Variants in FABP7 observed in about 807,000 individuals in gnomAD.
The protein encoded by FABP7 is fatty acid binding protein 7, also known as fatty acid-binding protein, brain.
A neutral mutation model predicts 14.2 loss-of-function variants in FABP7; 13 were observed. The ratio of observed to expected loss-of-function variants is 0.91; its 90% CI spans 0.59 to 1.45. FABP7 has a LOEUF of 1.45. Among genes scored for constraint, FABP7 ranks in the 40% most tolerant of loss-of-function variants. The pLI is 0.00. For missense variants in FABP7, 149 were observed against 157.6 expected, an observed-to-expected ratio of 0.95 and a Z score of 0.29; for synonymous variants, 49 against 51.4, an observed-to-expected ratio of 0.95 and a Z score of 0.20.
the FABP7 span, among the ~76,000 whole-genome samples, chr6:122,753,784 G>GC: frequency 0.12 from 4,263 of 35,078 alleles, 199 homozygotes; most frequent in Non-Finnish European, 0.14. Flanking sequence ...TCCAAATCCC[G>GC]CCCCCCCCCC....
At chr6:122,766,296 TA>T in the FABP7 span, among the ~76,000 whole-genome samples, 2 of 152,138 alleles carry the variant, frequency 1.3e-5, no homozygotes, top group Non-Finnish European at 2.9e-5. Flanking sequence ...ATGTAGGTAC[TA>T]CACTTCTTAG....
the FABP7 span, among the ~76,000 whole-genome samples, chr6:122,763,703 AAAC>A: frequency 6.6e-6 from 1 of 152,242 alleles, no homozygotes; most frequent in Non-Finnish European, 1.5e-5. Flanking sequence ...GAAAAAAATC[AAAC>A]AACCCCATCA....
intron 2 of FABP7, 30 bp downstream of exon 2, chr6:122,780,493 G>T (rs1475184128): frequency 1.3e-6 from 2 of 1,598,364 alleles, no homozygotes; most frequent in Admixed American, 3.5e-5. Flanking sequence ...TCAGAGTGGG[G>T]ATGGGGAGAG....
chr6:122,782,591 C>T, intron 3 of FABP7: 1 of 985,370 alleles, frequency 1.0e-6, no homozygotes, highest in Non-Finnish European at 1.2e-6. Flanking sequence ...TTTTGTGTGA[C>T]CTGCAATGGT....
At chr6:122,757,265 C>A in the FABP7 span, among the ~76,000 whole-genome samples, 1 of 152,210 alleles carries the variant, frequency 6.6e-6, no homozygotes, top group South Asian at 2.1e-4. Flanking sequence ...CCACAGTATG[C>A]TAAGTGGAAT....
chr6:122,777,252 G>A (rs543351939), upstream of FABP7, among the ~76,000 whole-genome samples: 30 of 152,248 alleles, frequency 2.0e-4, no homozygotes, highest in Middle Eastern at 3.4e-3. Context: ...GCAATAATTT[G>A]TAACAAAACA....
chr6:122,757,070 A>G, the FABP7 span, among the ~76,000 whole-genome samples: 282 of 152,332 alleles, frequency 1.9e-3, 1 homozygote, highest in Middle Eastern at 6.8e-3. Context: ...TTAAAGATCA[A>G]TCATATCTTC....
At chr6:122,760,136 G>A in the FABP7 span, among the ~76,000 whole-genome samples, 279 of 151,942 alleles carry the variant, frequency 1.8e-3, 4 homozygotes, top group South Asian at 0.035. Flanking sequence ...TACCATAATT[G>A]TACCTATTTA....
Position 122,780,555 on chromosome 6 carries a change from G to A in FABP7, c.246+92G>A, listed in dbSNP as rs182068325. The A allele has an allele frequency of 3.7e-4, 493 of 1,318,782 alleles. 1 individual carries two copies. The African/African-American group carries it at 6.1e-3, about 16-fold the overall frequency. The allele number at this position is 1,318,782 out of a possible 1,614,324, so 81.7% of individuals were successfully genotyped here. ...CATGTTTTTTTTAAGATGTTGGAAA[G>A]TGTAGAATATTTTCAGTATTTCAAT... On this transcript the variant is annotated intron_variant, in intron 2 of 3. Coordinates refer to ENST00000368444, the MANE Select transcript of FABP7 (RefSeq NM_001446.5).
chr6:122,777,754 T>C (rs1010480190), upstream of FABP7, among the ~76,000 whole-genome samples: 4 of 151,882 alleles, frequency 2.6e-5, no homozygotes, highest in African/African-American at 9.7e-5. Context: ...AGGGCTGATG[T>C]GGGAGGATCA....
At chr6:122,781,395 C>A in intron 3 of FABP7, 1 of 1,425,034 alleles carries the variant, frequency 7.0e-7, no homozygotes, top group Non-Finnish European at 9.2e-7. Flanking sequence ...TTCAGCTCAA[C>A]TTCTTTGATT....
At chr6:122,755,427 C>A in the FABP7 span, among the ~76,000 whole-genome samples, 26,092 of 149,184 alleles carry the variant, frequency 0.17, 2,607 homozygotes, top group Non-Finnish European at 0.22. Flanking sequence ...AGTGAGAATT[C>A]AACATTTTCT....
chr6:122,761,473 C>T, the FABP7 span, among the ~76,000 whole-genome samples: 1 of 152,006 alleles, frequency 6.6e-6, no homozygotes, highest in Non-Finnish European at 1.5e-5. Context: ...TTGAACCTGG[C>T]CAGTAATCTT....
chr6:122,781,328 G>A (rs1780778882), intron 3 of FABP7, 134 bp downstream of exon 3: 2 of 1,544,900 alleles, frequency 1.3e-6, no homozygotes, highest in East Asian at 4.9e-5. Flanking sequence ...TCACTGGCAA[G>A]GTTCTTTAAC....
chr6:122,753,139 G>A, the FABP7 span, among the ~76,000 whole-genome samples: 3 of 152,178 alleles, frequency 2.0e-5, no homozygotes, highest in African/African-American at 7.2e-5. Context: ...TCAAAAACAA[G>A]ATCTGTCTCC....
the FABP7 span, among the ~76,000 whole-genome samples, chr6:122,755,524 G>A: frequency 2.7e-5 from 4 of 147,854 alleles, no homozygotes; most frequent in East Asian, 8.0e-4. Context: ...TGCAATCTCG[G>A]CTCACTGCAA....
At chr6:122,769,155 G>A in the FABP7 span, among the ~76,000 whole-genome samples, 6 of 152,076 alleles carry the variant, frequency 3.9e-5, no homozygotes. Flanking sequence ...GCAGCAGCAG[G>A]AATCTGGAAG....
the FABP7 span, among the ~76,000 whole-genome samples, chr6:122,752,024 T>G: frequency 6.6e-6 from 1 of 152,126 alleles, no homozygotes; most frequent in East Asian, 1.9e-4. Context: ...ACCCAAATGC[T>G]TTGACTTCTG....
chr6:122,773,469 T>G, the FABP7 span, among the ~76,000 whole-genome samples: 404 of 152,284 alleles, frequency 2.7e-3, no homozygotes, highest in African/African-American at 9.0e-3. Flanking sequence ...TGCCAACCCT[T>G]GAGTTGACCA....
Sources: gnomAD v4.1 joint callset for allele counts (sites outside exome capture counted in the v4.1 genomes callset) on GRCh38, gnomAD v4.1.1 for gene constraint, MANE v1.5 for transcripts, NCBI Gene and HGNC (gene_info 2026-07-23, HGNC 2026-07-21) for gene names.